The following PARD3B variants were observed in gnomAD, a reference collection of about 807,000 sequenced individuals.
PARD3B encodes the protein partitioning defective 3 homolog B.
A neutral mutation model predicts 130.2 loss-of-function variants in PARD3B; 103 were observed. That is an observed-to-expected ratio of 0.79 (90% CI 0.67 to 0.93). PARD3B has a LOEUF of 0.93. PARD3B is among the 40% of genes least tolerant of loss of function. The pLI is 0.00. For missense variants in PARD3B, 1,609 were observed against 1,499.2 expected (o/e 1.07, Z -1.21); for synonymous variants, 583 against 553.2 (o/e 1.05, Z -0.76).
intron 2 of PARD3B, among the ~76,000 whole-genome samples, chr2:204,740,317 C>G (rs560991041): frequency 6.6e-6 from 1 of 152,100 alleles, no homozygotes; most frequent in Non-Finnish European, 1.5e-5. Context: ...CCACTATGCC[C>G]GGCCAACTTT....
chr2:205,607,125 G>T (rs1456789356), intron 22 of PARD3B, among the ~76,000 whole-genome samples: 1 of 152,052 alleles, frequency 6.6e-6, no homozygotes, highest in African/African-American at 2.4e-5. Context: ...CTTAAGAAAG[G>T]CACCTCAAGG....
At chr2:205,207,456 T>C (rs1043054769) in intron 15 of PARD3B, among the ~76,000 whole-genome samples, 1 of 147,478 alleles carries the variant, frequency 6.8e-6, no homozygotes, top group African/African-American at 2.6e-5. Context: ...ATCAACAAAA[T>C]TGATAGACCG....
rs1456068855 is a variant in PARD3B, at chr2:204,943,130, G to A, written c.223-22022G>A. Among the ~76,000 whole-genome samples the A allele has an allele frequency of 1.3e-5, 2 of 151,878 alleles. No homozygotes were observed. The highest frequency in any genetic ancestry group is 3.9e-4 in the East Asian group (2 of 5,180). On this transcript the variant is annotated intron_variant, in intron 2 of 22. Transcript: ENST00000406610. The surrounding 1 kb of genome is among the most constrained non-coding windows in gnomAD (Gnocchi z 4.2). The stretch of plus-strand genomic sequence containing the variant: ...AAATTACCCCTGACTTAAGAAAGAA[G>A]TTTTTCACATTCTTAATGTGTGTAT...
intron 1 of PARD3B, among the ~76,000 whole-genome samples, chr2:204,643,554 G>T (rs2035167080): frequency 6.6e-6 from 1 of 152,160 alleles, no homozygotes; most frequent in Non-Finnish European, 1.5e-5. Flanking sequence ...GGACGGCTTT[G>T]AATGAGGCCC....
At position 205,121,873 on chromosome 2, in the gene PARD3B, C is replaced by A; in HGVS notation, c.1089C>A (p.Ser363=). ...TACCAAGGCTGGGAGGAAAACCATC[C>A]TCTCCCTCACTCTCGCCTCTCATGG... ...PRVPRLGGKP[S]SPSLSPLMGF... Residue 363 remains serine (S), a synonymous_variant, in exon 8 of 23, where the codon TCC becomes TCA. Transcript: ENST00000406610. This position sits in a 1 kb window ranked among gnomAD's most constrained non-coding sequence, Gnocchi z 5.0. The A allele has an allele frequency of 6.2e-7, 1 of 1,614,028 alleles. No individual in the cohort carries two copies. Among genetic ancestry groups the A allele is most frequent in the Non-Finnish European group, 8.5e-7 (1 of 1,179,998 alleles).
At chr2:205,402,617 G>T (rs1408207283) in intron 19 of PARD3B, among the ~76,000 whole-genome samples, 1 of 152,184 alleles carries the variant, frequency 6.6e-6, no homozygotes, top group African/African-American at 2.4e-5. Flanking sequence ...TTAAGCAAGG[G>T]TTCATTTCCT....
chr2:204,715,767 A>G (rs565861408), intron 2 of PARD3B, among the ~76,000 whole-genome samples: 2 of 152,220 alleles, frequency 1.3e-5, no homozygotes, highest in Non-Finnish European at 1.5e-5. Flanking sequence ...TTCTCCCTTT[A>G]CTGCCAGTTA....
At chr2:204,599,951 A>AT (rs1395197917) in intron 1 of PARD3B, among the ~76,000 whole-genome samples, 2 of 151,582 alleles carry the variant, frequency 1.3e-5, no homozygotes, top group African/African-American at 2.4e-5. Context: ...GATGTTAAGC[A>AT]TTTTTTCACA....
At chr2:204,641,845 A>G (rs778098914) in intron 1 of PARD3B, among the ~76,000 whole-genome samples, 3 of 152,244 alleles carry the variant, frequency 2.0e-5, no homozygotes, top group Non-Finnish European at 4.4e-5. Flanking sequence ...ATTGTACTTC[A>G]AAACAAAACT....
chr2:204,547,882 C>T (rs1013040526), intron 1 of PARD3B, among the ~76,000 whole-genome samples: 7 of 152,016 alleles, frequency 4.6e-5, no homozygotes, highest in Admixed American at 6.6e-5. Context: ...GGAATGGAAA[C>T]GTAACTTATA....
chr2:204,998,246 C>A (rs1475091460), intron 3 of PARD3B, among the ~76,000 whole-genome samples: 1 of 144,378 alleles, frequency 6.9e-6, no homozygotes, highest in Non-Finnish European at 1.5e-5. Context: ...TGCAGCAAAC[C>A]ACCATGGCAT....
intron 1 of PARD3B, among the ~76,000 whole-genome samples, chr2:204,613,103 T>G (rs1415382282): frequency 2.0e-5 from 3 of 152,190 alleles, no homozygotes; most frequent in Admixed American, 2.0e-4. Flanking sequence ...TGTTTAGTGA[T>G]ATTTCTTTAA....
At chr2:204,861,924 CAAAAAAAAAAAAA>C (rs60473341) in intron 2 of PARD3B, among the ~76,000 whole-genome samples, 2 of 34,068 alleles carry the variant, frequency 5.9e-5, no homozygotes, top group African/African-American at 1.8e-4. Context: ...AGACATTTCT[CAAAAAAAAAAAAA>C]AAAAAAAAAA....
rs1443476423 is a variant in PARD3B, at chr2:205,592,014, A to G, written c.3261-23442A>G. Among the ~76,000 whole-genome samples, 1 of 152,224 alleles carries G rather than the reference A, an allele frequency of 6.6e-6. No homozygotes were observed. The highest frequency in any genetic ancestry group is 1.5e-5 in the Non-Finnish European group (1 of 68,040). ...GACAAAGTGGAAGGATAATCCTACC[A>G]GTGATGATGTCTTACAGTGTGTAAC... On this transcript the variant is annotated intron_variant, in intron 22 of 22. Transcript: ENST00000406610. The surrounding 1 kb of genome is among the most constrained non-coding windows in gnomAD (Gnocchi z 4.5).
In PARD3B at chr2:205,041,715, A is replaced by G. The variant is rs139147756; in HGVS notation, c.395-5866A>G. Among the ~76,000 whole-genome samples, 523 of 152,108 alleles carry G rather than the reference A, an allele frequency of 3.4e-3. 2 individuals are homozygous for G. Among genetic ancestry groups the G allele is most frequent in the African/African-American group, 0.012 (490 of 41,474 alleles). On this transcript the variant is annotated intron_variant, in intron 3 of 22. Coordinates refer to ENST00000406610, the MANE Select transcript of PARD3B (RefSeq NM_001302769.2). ...TGGCCTTCTGGTTATGCTCAGGAGA[A>G]TCATTAACCATCTTTAAATAAATAA...
In PARD3B at chr2:205,238,856, A is replaced by AT. The variant is rs1316143324; in HGVS notation, c.2141-6921dup. On this transcript the variant is annotated intron_variant, in intron 15 of 22. Transcript: ENST00000406610. The stretch of plus-strand genomic sequence containing the variant: ...GTTTCAAAAAAAAAAAAAAATATAT[A>AT]TATATATATATATATATATATGTAT... Among the ~76,000 whole-genome samples the AT allele has an allele frequency of 8.7e-5, 7 of 80,098 alleles. 1 individual carries two copies. The highest frequency in any genetic ancestry group is 2.9e-4 in the Admixed American group (2 of 6,850). The allele number at this position is 80,098 out of a possible 152,430, so 52.5% of individuals were successfully genotyped here.
In PARD3B at chr2:205,047,690, A is replaced by T; in HGVS notation, c.504A>T (p.Pro168=). ...GCCAGAGTCTGAAACTGGTTGTTCC[A>T]GTAGGTATCCTGCTGCTTGTAGTTC... ...PGGQSLKLVV[P]DSTQNLEDRE... Residue 168 remains proline, a splice_region_variant and synonymous_variant, in exon 4 of 23, where the codon CCA becomes CCT. Transcript: ENST00000406610. 1 of 1,529,446 alleles carries T rather than the reference A, an allele frequency of 6.5e-7. No homozygotes were observed. The highest frequency in any genetic ancestry group is 8.9e-7 in the Non-Finnish European group (1 of 1,127,256). 94.7% of individuals were successfully genotyped at this position (1,529,446 alleles called of 1,614,324 possible).
At chr2:205,154,559 G>A (rs1174810509) in intron 10 of PARD3B, among the ~76,000 whole-genome samples, 1 of 152,118 alleles carries the variant, frequency 6.6e-6, no homozygotes, top group Non-Finnish European at 1.5e-5. Flanking sequence ...TATACCCAAA[G>A]GATTATAAAT....
chr2:204,817,784 A>T (rs1263431992), intron 2 of PARD3B, among the ~76,000 whole-genome samples: 4 of 152,168 alleles, frequency 2.6e-5, no homozygotes, highest in African/African-American at 7.2e-5. Flanking sequence ...TACAGACAGG[A>T]AACTTTGTAG....
Sources: allele counts gnomAD v4.1 joint callset (sites outside exome capture counted in the v4.1 genomes callset), GRCh38; gene constraint gnomAD v4.1.1; non-coding constraint Gnocchi (gnomAD v3.1); transcripts MANE v1.5; gene names NCBI Gene and HGNC (gene_info 2026-07-23, HGNC 2026-07-21).